The following SMARCC1 variants were observed in gnomAD, a reference collection of about 807,000 sequenced individuals.
SMARCC1 encodes the protein SWI/SNF related BAF chromatin remodeling complex subunit C1.
Under a neutral mutation model 147.4 loss-of-function variants are expected in SMARCC1, and 43 were observed. The observed-to-expected ratio is 0.29, with a 90% CI of 0.23 to 0.38. The LOEUF (loss-of-function observed/expected upper bound fraction) is 0.38, where lower values mean the gene tolerates loss of function less well. Ranked by LOEUF, SMARCC1 falls within the 10% of genes least tolerant of loss-of-function variation. The probability of loss-of-function intolerance (pLI) is 1.00; values close to 1 mark genes in which losing one functional copy is unlikely to be tolerated. For synonymous variants in SMARCC1, 495 were observed against 484.4 expected, an observed-to-expected ratio of 1.02 and a Z score of -0.29; for missense variants, 1,119 against 1,381.1, an observed-to-expected ratio of 0.81 and a Z score of 3.01.
At chr3:47,682,435 C>A (rs1268425300) in intron 14 of SMARCC1, among the ~76,000 whole-genome samples, 3 of 152,094 alleles carry the variant, frequency 2.0e-5, no homozygotes, top group Non-Finnish European at 4.4e-5. Flanking sequence ...TGTGCCATCA[C>A]GCCTGGTTAA....
intron 21 of SMARCC1, among the ~76,000 whole-genome samples, chr3:47,655,963 A>G (rs1443541024): frequency 6.6e-6 from 1 of 152,168 alleles, no homozygotes; most frequent in African/African-American, 2.4e-5. Flanking sequence ...CTGTAATCCC[A>G]GCACTTTGGG....
chr3:47,772,191 G>C (rs1415687613), intron 2 of SMARCC1, among the ~76,000 whole-genome samples: 1 of 152,174 alleles, frequency 6.6e-6, no homozygotes, highest in African/African-American at 2.4e-5. Context: ...AAAAATTTGA[G>C]ACCAGCCTGG....
At chr3:47,685,709 T>G (rs2033712952) in intron 14 of SMARCC1, among the ~76,000 whole-genome samples, 1 of 151,756 alleles carries the variant, frequency 6.6e-6, no homozygotes, top group African/African-American at 2.4e-5. Flanking sequence ...ATACAAAAAT[T>G]AGCCTGGCAC....
chr3:47,607,141 T>C (rs374094160), intron 26 of SMARCC1, among the ~76,000 whole-genome samples: 9 of 152,318 alleles, frequency 5.9e-5, no homozygotes, highest in African/African-American at 2.2e-4. Flanking sequence ...GAATTTAAGA[T>C]CCACTCAAGT....
intron 16 of SMARCC1, 21 bp downstream of exon 16, chr3:47,678,177 A>C (rs772602479): frequency 1.4e-6 from 2 of 1,399,236 alleles, no homozygotes; most frequent in Non-Finnish European, 2.0e-6. Context: ...TAAATGTCTC[A>C]GAAAAAGTCA....
At position 47,662,307 on chromosome 3, in the gene SMARCC1, GA is replaced by G. The variant is rs1374484055; in HGVS notation, c.2158+26del. The stretch of plus-strand genomic sequence containing the variant: ...TTGGGATAAACTGAGTTTTTCTGTT[GA>G]GGAGATGGTTTAGGGAAGTCCATAC... On this transcript the variant is annotated intron_variant, in intron 20 of 27. Coordinates refer to ENST00000254480, the MANE Select transcript of SMARCC1 (RefSeq NM_003074.4). 2.5e-6 allele frequency: 4 copies of G among 1,593,156 alleles called. No homozygotes were observed. In the East Asian group the frequency reaches 8.9e-5, roughly 36 times the overall value.
Position 47,733,091 on chromosome 3 carries a change from G to T in SMARCC1, c.576+2943C>A, listed in dbSNP as rs2034395484. 3.3e-5 allele frequency among the ~76,000 whole-genome samples: 5 copies of T among 151,946 alleles called. No individual in the cohort carries two copies. In the South Asian group the frequency reaches 8.3e-4, roughly 25 times the overall value. On this transcript the variant is annotated intron_variant, in intron 5 of 27. Transcript: ENST00000254480. ...CACTGCGCTCCAGCTGGGCGACAGA[G>T]AAAGACTTCATCTCAAAAAAAAACA...
chr3:47,694,445 CA>C (rs2033824375), intron 11 of SMARCC1, among the ~76,000 whole-genome samples: 1 of 152,048 alleles, frequency 6.6e-6, no homozygotes, highest in African/African-American at 2.4e-5. Context: ...TACTAAAATA[CA>C]AAAACTAGCT....
At chr3:47,780,540 T>TA (rs1226140950) in intron 1 of SMARCC1, among the ~76,000 whole-genome samples, 1 of 152,158 alleles carries the variant, frequency 6.6e-6, no homozygotes, top group African/African-American at 2.4e-5. Flanking sequence ...CAGGCTTCAC[T>TA]GAGCTGCTGA....
chr3:47,716,273 C>T (rs149217400), intron 7 of SMARCC1, among the ~76,000 whole-genome samples: 174 of 151,642 alleles, frequency 1.1e-3, no homozygotes, highest in African/African-American at 3.9e-3. Flanking sequence ...CAAAAATTAG[C>T]GGGGCGTTGT....
chr3:47,626,491 A>G (rs906824240), intron 24 of SMARCC1, among the ~76,000 whole-genome samples: 5 of 151,298 alleles, frequency 3.3e-5, no homozygotes, highest in Non-Finnish European at 7.4e-5. Flanking sequence ...AAGAAAGAAA[A>G]AAAAAGGAAA....
chr3:47,592,744 G>A (rs2032204312), intron 26 of SMARCC1, among the ~76,000 whole-genome samples: 1 of 151,944 alleles, frequency 6.6e-6, no homozygotes, highest in Non-Finnish European at 1.5e-5. Context: ...AACTACAGGT[G>A]AGCACCACCA....
chr3:47,621,083 T>C (rs1310068714), intron 25 of SMARCC1, among the ~76,000 whole-genome samples: 3 of 152,140 alleles, frequency 2.0e-5, no homozygotes, highest in East Asian at 3.9e-4. Flanking sequence ...GGGCAGATCA[T>C]GAGGTCAAGA....
intron 5 of SMARCC1, among the ~76,000 whole-genome samples, chr3:47,734,253 G>A (rs2106827223): frequency 2.0e-5 from 3 of 152,200 alleles, no homozygotes; most frequent in Middle Eastern, 3.4e-3. Context: ...CCAAAAGAGA[G>A]ATGTTTAAGG....
At chr3:47,743,577 G>C (rs1559660499) in intron 3 of SMARCC1, among the ~76,000 whole-genome samples, 1 of 151,960 alleles carries the variant, frequency 6.6e-6, no homozygotes, top group Admixed American at 6.6e-5. Flanking sequence ...ATTTTGGGAG[G>C]CCGAGTCTGG....
chr3:47,625,556 A>C (rs1468963293), intron 24 of SMARCC1, among the ~76,000 whole-genome samples: 1 of 152,132 alleles, frequency 6.6e-6, no homozygotes, highest in African/African-American at 2.4e-5. Flanking sequence ...ATATTCTAAT[A>C]CTTCCATAAT....
At chr3:47,770,420 A>G (rs189980209) in intron 2 of SMARCC1, among the ~76,000 whole-genome samples, 1 of 152,040 alleles carries the variant, frequency 6.6e-6, no homozygotes, top group Non-Finnish European at 1.5e-5. Context: ...CAGGAGTTCG[A>G]CACCAGCCTG....
chr3:47,602,505 C>T (rs112477771), intron 26 of SMARCC1, among the ~76,000 whole-genome samples: 2,541 of 152,100 alleles, frequency 0.017, 82 homozygotes, highest in African/African-American at 0.058. Context: ...ACCATGTTGC[C>T]CAGGTTGGTC....
At chr3:47,682,263 C>T (rs1293796663) in intron 14 of SMARCC1, among the ~76,000 whole-genome samples, 2 of 149,838 alleles carry the variant, frequency 1.3e-5, no homozygotes, top group African/African-American at 4.9e-5. Context: ...CCACTGCACT[C>T]CAGCCTGGGG....
Sources: gnomAD v4.1 joint callset for allele counts (sites outside exome capture counted in the v4.1 genomes callset) on GRCh38, gnomAD v4.1.1 for gene constraint, MANE v1.5 for transcripts, NCBI Gene and HGNC (gene_info 2026-07-23, HGNC 2026-07-21) for gene names.